The following TSGA10 variants were observed in gnomAD, a reference collection of about 807,000 sequenced individuals.
TSGA10 encodes testis specific 10, also known as testis-specific gene 10 protein.
A neutral mutation model predicts 96.6 loss-of-function variants in TSGA10; 43 were observed. That is an observed-to-expected ratio of 0.44 (90% CI 0.35 to 0.57). The LOEUF (loss-of-function observed/expected upper bound fraction) is 0.57, where lower values mean the gene tolerates loss of function less well. TSGA10 is among the 20% of genes least tolerant of loss of function. The pLI, the probability that TSGA10 is intolerant of heterozygous loss-of-function variation, is 0.01. For missense variants in TSGA10, 703 were observed against 834.4 expected, an observed-to-expected ratio of 0.84 and a Z score of 1.94; for synonymous variants, 229 against 269.9, an observed-to-expected ratio of 0.85 and a Z score of 1.48.
At chr2:99,053,487 G>A (rs761064453) in intron 16 of TSGA10, among the ~76,000 whole-genome samples, 3 of 152,090 alleles carry the variant, frequency 2.0e-5, no homozygotes, top group East Asian at 3.8e-4. Context: ...GAAAGGCCAC[G>A]TTAACAGAAT....
At chr2:99,107,516 T>C (rs1452193708) in intron 7 of TSGA10, among the ~76,000 whole-genome samples, 3 of 152,172 alleles carry the variant, frequency 2.0e-5, no homozygotes, top group African/African-American at 4.8e-5. Context: ...ATAAGGCCCA[T>C]TGAACAGCCT....
intron 1 of TSGA10, among the ~76,000 whole-genome samples, chr2:99,147,695 G>A (rs888776391): frequency 6.6e-6 from 1 of 152,084 alleles, no homozygotes; most frequent in African/African-American, 2.4e-5. Context: ...TAAACCTACA[G>A]AAATGTAATA....
intron 17 of TSGA10, among the ~76,000 whole-genome samples, chr2:99,033,288 C>T (rs1472909950): frequency 6.6e-6 from 1 of 152,198 alleles, no homozygotes; most frequent in Non-Finnish European, 1.5e-5. Context: ...GTTCGCATAG[C>T]TCTGTGAAGA....
At chr2:99,085,738 T>C (rs1332620181) in intron 10 of TSGA10, among the ~76,000 whole-genome samples, 1 of 141,736 alleles carries the variant, frequency 7.1e-6, no homozygotes, top group African/African-American at 2.8e-5. Context: ...ATAACAGTTA[T>C]AAGAAATGTA....
chr2:99,032,401 G>A (rs967816970), intron 17 of TSGA10, among the ~76,000 whole-genome samples: 1 of 152,052 alleles, frequency 6.6e-6, no homozygotes, highest in Non-Finnish European at 1.5e-5. Context: ...CTTAAATTAC[G>A]GGTTCATTGC....
chr2:99,056,802 T>TACA (rs2084041891), intron 16 of TSGA10, among the ~76,000 whole-genome samples: 1 of 67,484 alleles, frequency 1.5e-5, no homozygotes, highest in Non-Finnish European at 3.0e-5. Context: ...CTCCTAGAAA[T>TACA]ACACAAAATC....
chr2:99,112,680 C>T (rs2091915099), intron 4 of TSGA10, among the ~76,000 whole-genome samples: 1 of 151,582 alleles, frequency 6.6e-6, no homozygotes, highest in Admixed American at 6.6e-5. Flanking sequence ...CTGGTTGGTT[C>T]TAAGTATGGA....
intron 10 of TSGA10, among the ~76,000 whole-genome samples, chr2:99,103,431 T>C (rs1233447554): frequency 1.3e-5 from 2 of 152,220 alleles, no homozygotes; most frequent in Non-Finnish European, 1.5e-5. Context: ...CTTATTGCTG[T>C]AGGCTGCTTC....
intron 1 of TSGA10, among the ~76,000 whole-genome samples, chr2:99,145,950 A>G (rs1434300946): frequency 6.6e-6 from 1 of 152,022 alleles, no homozygotes; most frequent in Non-Finnish European, 1.5e-5. Flanking sequence ...TGGGCAACAC[A>G]GTGACACCCT....
At chr2:99,112,074 A>AT (rs1325820569) in intron 4 of TSGA10, among the ~76,000 whole-genome samples, 5 of 152,158 alleles carry the variant, frequency 3.3e-5, no homozygotes, top group African/African-American at 1.2e-4. Flanking sequence ...TTTTACAGTG[A>AT]TTTAAAAAAA....
chr2:99,064,837 A>G lies in TSGA10; in HGVS notation c.1404+102T>C. 3.0e-6 allele frequency: 3 copies of G among 983,798 alleles called. No homozygotes were observed. In the South Asian group the frequency reaches 6.5e-5, roughly 21 times the overall value. The allele number at this position is 983,798 out of a possible 1,614,324, so 60.9% of individuals were successfully genotyped here. Reference sequence around the variant, plus strand: ...ATGCTACAATTCACAGTACATTTAAATAATTTACGTGTTTGTTCATACATT... The same window carrying G: ...ATGCTACAATTCACAGTACATTTAAGTAATTTACGTGTTTGTTCATACATT... On this transcript the variant is annotated intron_variant, in intron 16 of 20. Transcript: ENST00000393483.
intron 12 of TSGA10, among the ~76,000 whole-genome samples, chr2:99,074,614 T>C (rs746245536): frequency 2.0e-5 from 3 of 152,198 alleles, no homozygotes; most frequent in Non-Finnish European, 4.4e-5. Context: ...AAATATAATT[T>C]AATACATTTC....
chr2:99,104,263 G>A, intron 9 of TSGA10, 145 bp from the exon 10 acceptor site: 2 of 854,126 alleles, frequency 2.3e-6, no homozygotes, highest in Non-Finnish European at 3.5e-6. Flanking sequence ...GCTGTAGAAG[G>A]TTTTACAGAT....
rs577797276 is a variant in TSGA10 at position 99,149,505 on chromosome 2, C to T, written c.-621+5188G>A. On this transcript the variant is annotated intron_variant, in intron 1 of 20. Coordinates refer to ENST00000393483, the MANE Select transcript of TSGA10 (RefSeq NM_025244.4). Reference sequence around the variant, plus strand: ...TCGCCCAGGCTGGAGTGCAGTGGCGCGATCTCGGCTCACTGCAACCTCAGC... The same window carrying T: ...TCGCCCAGGCTGGAGTGCAGTGGCGTGATCTCGGCTCACTGCAACCTCAGC... 1.1e-4 allele frequency among the ~76,000 whole-genome samples: 16 copies of T among 148,092 alleles called. No homozygotes were observed. The East Asian group carries it at 1.5e-3, about 13-fold the overall frequency.
At chr2:99,052,195 G>A (rs1167210591) in intron 16 of TSGA10, among the ~76,000 whole-genome samples, 1 of 151,766 alleles carries the variant, frequency 6.6e-6, no homozygotes, top group Non-Finnish European at 1.5e-5. Flanking sequence ...GAAACTAAGA[G>A]TTGATTTCTG....
chr2:99,087,941 T>G (rs2088764433), intron 10 of TSGA10, among the ~76,000 whole-genome samples: 1 of 152,068 alleles, frequency 6.6e-6, no homozygotes, highest in South Asian at 2.1e-4. Context: ...AAATACAGAT[T>G]AAAACCACAC....
intron 7 of TSGA10, among the ~76,000 whole-genome samples, chr2:99,107,998 C>T (rs2091495006): frequency 6.6e-6 from 1 of 152,056 alleles, no homozygotes; most frequent in Admixed American, 6.6e-5. Flanking sequence ...CATACCATTC[C>T]TTTAGTTTGG....
intron 16 of TSGA10, among the ~76,000 whole-genome samples, chr2:99,052,944 C>T (rs1027683599): frequency 6.6e-5 from 10 of 151,712 alleles, no homozygotes; most frequent in Non-Finnish European, 1.5e-4. Flanking sequence ...CACTTGTAGT[C>T]TCAGCTACTT....
rs1023423980 is a variant in TSGA10, at chr2:99,102,155, T to C, written c.611+1812A>G. 13 of 1,501,508 alleles carry C rather than the reference T, an allele frequency of 8.7e-6. No individual in the cohort carries two copies. The African/African-American group carries it at 1.7e-4, about 19-fold the overall frequency. The allele number at this position is 1,501,508 out of a possible 1,614,324, so 93.0% of individuals were successfully genotyped here. ...ACAAATCGATCATGGAGCTGATGAA[T>C]ATACTTGAACTTCGGAAATATGAAG... On this transcript the variant is annotated intron_variant, in intron 10 of 20. Transcript: ENST00000393483.
Sources: gnomAD v4.1 joint callset for allele counts (sites outside exome capture counted in the v4.1 genomes callset) on GRCh38, gnomAD v4.1.1 for gene constraint, MANE v1.5 for transcripts, NCBI Gene and HGNC (gene_info 2026-07-23, HGNC 2026-07-21) for gene names.